The following ZMYM4 variants were observed in gnomAD, a reference collection of about 807,000 sequenced individuals.
ZMYM4 encodes the protein zinc finger MYM-type protein 4.
In ZMYM4, 31 loss-of-function variants were observed where a neutral mutation model predicts 183.2. That is an observed-to-expected ratio of 0.17 (90% confidence interval 0.13 to 0.23). The LOEUF is 0.23. ZMYM4 is among the 10% of genes least tolerant of loss of function. The pLI is 1.00. For missense variants in ZMYM4, 1,273 were observed against 1,840.3 expected, an observed-to-expected ratio of 0.69 and a Z score of 5.64; for synonymous variants, 592 against 631.2, an observed-to-expected ratio of 0.94 and a Z score of 0.93.
At chr1:35,341,068 A>G (rs1172519795) in intron 2 of ZMYM4, among the ~76,000 whole-genome samples, 1 of 151,950 alleles carries the variant, frequency 6.6e-6, no homozygotes, top group Non-Finnish European at 1.5e-5. Context: ...ATTACATTCT[A>G]TTAATATATT....
At chr1:35,306,888 T>G (rs681668) in intron 1 of ZMYM4, among the ~76,000 whole-genome samples, 2 of 152,224 alleles carry the variant, frequency 1.3e-5, no homozygotes, top group South Asian at 2.1e-4. Flanking sequence ...CTTCTTCCCC[T>G]TGATACCATT....
chr1:35,300,790 C>A (rs942552236), intron 1 of ZMYM4, among the ~76,000 whole-genome samples: 24 of 152,160 alleles, frequency 1.6e-4, no homozygotes, highest in Middle Eastern at 6.8e-3. Flanking sequence ...ATGCTTTCAC[C>A]TTTACCTTCT....
chr1:35,409,041 T>C (rs918014470), intron 26 of ZMYM4, among the ~76,000 whole-genome samples: 1 of 152,238 alleles, frequency 6.6e-6, no homozygotes, highest in African/African-American at 2.4e-5. Context: ...CTATGTGGCC[T>C]TTTGTGTCTG....
At chr1:35,331,813 A>C (rs954577718) in intron 2 of ZMYM4, among the ~76,000 whole-genome samples, 13 of 150,062 alleles carry the variant, frequency 8.7e-5, no homozygotes, top group African/African-American at 2.9e-4. Flanking sequence ...TAAATAAATA[A>C]ATAAATAAAT....
chr1:35,286,620 A>T (rs1427646439), intron 1 of ZMYM4, among the ~76,000 whole-genome samples: 1 of 139,428 alleles, frequency 7.2e-6, no homozygotes, highest in Non-Finnish European at 1.5e-5. Context: ...TTTTTAAGAG[A>T]CAGGATCGTA....
intron 1 of ZMYM4, among the ~76,000 whole-genome samples, chr1:35,302,907 G>T (rs1641355017): frequency 6.6e-6 from 1 of 150,878 alleles, no homozygotes; most frequent in South Asian, 2.1e-4. Flanking sequence ...CTGGAGGCTG[G>T]AGGTGGGAGG....
intron 9 of ZMYM4, among the ~76,000 whole-genome samples, chr1:35,384,336 C>G (rs1276905762): frequency 6.6e-6 from 1 of 152,136 alleles, no homozygotes; most frequent in Non-Finnish European, 1.5e-5. Context: ...AGAATTCAGG[C>G]ATATATTCAC....
At chr1:35,354,349 G>T (rs377471085) in intron 2 of ZMYM4, among the ~76,000 whole-genome samples, 35 of 152,204 alleles carry the variant, frequency 2.3e-4, no homozygotes, top group African/African-American at 8.4e-4. Flanking sequence ...GAACACATAC[G>T]CTGTTTTCAG....
chr1:35,341,267 A>G (rs926558906), intron 2 of ZMYM4, among the ~76,000 whole-genome samples: 1 of 152,094 alleles, frequency 6.6e-6, no homozygotes, highest in South Asian at 2.1e-4. Flanking sequence ...ATGATTTTAT[A>G]TACTTTCCAA....
intron 2 of ZMYM4, 134 bp from the exon 3 acceptor site, chr1:35,358,791 G>A (rs192344858): frequency 1.7e-4 from 127 of 755,652 alleles, no homozygotes; most frequent in Non-Finnish European, 2.6e-4. Flanking sequence ...CTATATCAAA[G>A]TGTTAAATGA....
At position 35,342,256 on chromosome 1, in the gene ZMYM4, G is replaced by C. The variant is rs538683621; in HGVS notation, c.86-16669G>C. ...TGCAGCCCCCACCTCTCATGCTTAA[G>C]TGAGCCTCCCACCTCACCCTCCCCC... On this transcript the variant is annotated intron_variant, in intron 2 of 29. Transcript: ENST00000314607. Among the ~76,000 whole-genome samples the C allele has an allele frequency of 9.2e-5, 14 of 152,240 alleles. No homozygotes were observed. In the Middle Eastern group the frequency reaches 0.01, roughly 111 times the overall value.
At chr1:35,295,354 T>C (rs1557936320) in intron 1 of ZMYM4, among the ~76,000 whole-genome samples, 2 of 151,510 alleles carry the variant, frequency 1.3e-5, no homozygotes, top group South Asian at 4.2e-4. Flanking sequence ...GGCAGGAGAG[T>C]GTTGTATATG....
intron 1 of ZMYM4, among the ~76,000 whole-genome samples, chr1:35,284,087 C>T (rs1442838327): frequency 6.6e-6 from 1 of 151,994 alleles, no homozygotes; most frequent in African/African-American, 2.4e-5. Context: ...CGCCATTCTC[C>T]TGCCTCAGCC....
At position 35,370,018 on chromosome 1, in the gene ZMYM4, C is replaced by A; in HGVS notation, c.841-11C>A. On this transcript the variant is annotated splice_polypyrimidine_tract_variant and intron_variant, in intron 5 of 29. Transcript: ENST00000314607. ...TCTCTATGTATTTATTTATTTTTTT[C>A]TTCTTTAAAGGAGTATAGTCATGGC... is the stretch of plus-strand genomic sequence containing the variant. 1 of 1,582,226 alleles carries A rather than the reference C, an allele frequency of 6.3e-7. No homozygotes were observed. The highest frequency in any genetic ancestry group is 1.2e-5 in the South Asian group (1 of 86,812).
intron 2 of ZMYM4, among the ~76,000 whole-genome samples, chr1:35,332,349 T>A (rs1352307948): frequency 3.3e-5 from 5 of 152,100 alleles, no homozygotes; most frequent in Non-Finnish European, 7.4e-5. Flanking sequence ...AAAACACTTT[T>A]ATTAAGCTCA....
intron 26 of ZMYM4, among the ~76,000 whole-genome samples, chr1:35,411,497 C>G (rs1172263000): frequency 1.3e-5 from 2 of 152,140 alleles, no homozygotes; most frequent in Non-Finnish European, 2.9e-5. Context: ...GGGCAGTACA[C>G]AGTTTTGCAA....
rs149906684 is a variant in ZMYM4, at chr1:35,342,384, C to T, written c.86-16541C>T. 2.8e-3 allele frequency among the ~76,000 whole-genome samples: 423 copies of T among 152,124 alleles called. 4 individuals carry two copies. The highest frequency in any genetic ancestry group is 9.7e-3 in the African/African-American group (403 of 41,490). ...CTCTGTTGCCTAGGCTGGTCTCGAA[C>T]TCCTGGGTTCAAGCAATCCTCCTGC... On this transcript the variant is annotated intron_variant, in intron 2 of 29. Coordinates refer to ENST00000314607, the MANE Select transcript of ZMYM4 (RefSeq NM_005095.3).
intron 1 of ZMYM4, among the ~76,000 whole-genome samples, chr1:35,299,114 TGCCCC>T (rs1641156144): frequency 6.6e-6 from 1 of 151,848 alleles, no homozygotes; most frequent in South Asian, 2.1e-4. Context: ...GTGATCCTCC[TGCCCC>T]AGTCTCTTGA....
At chr1:35,296,945 G>A (rs1291082729) in intron 1 of ZMYM4, among the ~76,000 whole-genome samples, 1 of 148,232 alleles carries the variant, frequency 6.7e-6, no homozygotes, top group Admixed American at 6.9e-5. Context: ...CATCTCCCGG[G>A]TTTAGGCGAT....
Sources: allele counts gnomAD v4.1 joint callset (sites outside exome capture counted in the v4.1 genomes callset), GRCh38; gene constraint gnomAD v4.1.1; transcripts MANE v1.5; gene names NCBI Gene and HGNC (gene_info 2026-07-23, HGNC 2026-07-21).